LRRFIP2: variants seen among roughly 807,000 people sequenced by gnomAD.
The protein encoded by LRRFIP2 is LRR binding FLII interacting protein 2, also known as leucine-rich repeat flightless-interacting protein 2.
In LRRFIP2, 109 loss-of-function variants were observed where a neutral mutation model predicts 125.9. The ratio of observed to expected loss-of-function variants is 0.87; its 90% CI spans 0.74 to 1.01. LRRFIP2 has a LOEUF of 1.01. LRRFIP2 is among the 50% of genes least tolerant of loss of function. LRRFIP2 has a pLI of 0.00. For missense variants in LRRFIP2, 850 were observed against 862.3 expected (o/e 0.99, Z 0.18); for synonymous variants, 291 against 293.1 (o/e 0.99, Z 0.07).
At chr3:37,076,692 C>A (rs948193584) in intron 19 of LRRFIP2, among the ~76,000 whole-genome samples, 2 of 152,020 alleles carry the variant, frequency 1.3e-5, no homozygotes, top group African/African-American at 4.8e-5. Flanking sequence ...CATAGAGAAA[C>A]CCTGTCTCTA....
intron 19 of LRRFIP2, among the ~76,000 whole-genome samples, chr3:37,077,288 T>C (rs1344999384): frequency 1.3e-5 from 2 of 152,156 alleles, no homozygotes; most frequent in Non-Finnish European, 2.9e-5. Context: ...TGTCTATTAA[T>C]ATAGGGAACT....
rs148614990 is a variant in LRRFIP2 at position 37,126,513 on chromosome 3, A to C, written c.228+1117T>G. Among the ~76,000 whole-genome samples the C allele has an allele frequency of 5.5e-3, 840 of 152,146 alleles. 2 individuals carry two copies. The highest frequency in any genetic ancestry group is 0.017 in the Middle Eastern group (5 of 294). On this transcript the variant is annotated intron_variant, in intron 4 of 27. Coordinates refer to ENST00000336686, the MANE Select transcript of LRRFIP2 (RefSeq NM_006309.4). The stretch of plus-strand genomic sequence containing the variant: ...CCCAAAGGTCACCCCTTTCAATGAA[A>C]ATCTAGCGTACTCACTGCCTAAACT...
At chr3:37,135,164 TTA>T in intron 2 of LRRFIP2, 1 of 1,095,008 alleles carries the variant, frequency 9.1e-7, no homozygotes, top group Non-Finnish European at 1.3e-6. Flanking sequence ...AAATTACTGT[TTA>T]AAAAAAAAAA....
intron 19 of LRRFIP2, 72 bp from the exon 20 acceptor site, chr3:37,075,188 A>G: frequency 9.9e-7 from 1 of 1,007,730 alleles, no homozygotes; most frequent in South Asian, 1.4e-5. Context: ...ACAATACAAC[A>G]CAGAGGTTAA....
Position 37,087,738 on chromosome 3 carries a change from G to A in LRRFIP2, c.1107+3729C>T, listed in dbSNP as rs59734816. 8.2e-3 allele frequency among the ~76,000 whole-genome samples: 1,247 copies of A among 152,110 alleles called. 12 individuals carry two copies. The highest frequency in any genetic ancestry group is 0.027 in the African/African-American group (1,132 of 41,490). Reference sequence around the variant, plus strand: ...TGAGAAGTTGGGATTATAGGCTCCCGCCACCATGCCTGGCTAGTTTTTGTA... The same window carrying A: ...TGAGAAGTTGGGATTATAGGCTCCCACCACCATGCCTGGCTAGTTTTTGTA... On this transcript the variant is annotated intron_variant, in intron 18 of 27. Transcript: ENST00000336686.
At chr3:37,080,788 C>G (rs2092572284) in intron 19 of LRRFIP2, among the ~76,000 whole-genome samples, 1 of 152,000 alleles carries the variant, frequency 6.6e-6, no homozygotes, top group South Asian at 2.1e-4. Context: ...GAAAGAGGAC[C>G]TATACATGAA....
intron 21 of LRRFIP2, among the ~76,000 whole-genome samples, chr3:37,069,366 A>C (rs2090750451): frequency 6.6e-6 from 1 of 152,250 alleles, no homozygotes; most frequent in South Asian, 2.1e-4. Flanking sequence ...TGTGGTATAT[A>C]CATACAATGG....
chr3:37,131,191 G>A (rs1338197244), intron 2 of LRRFIP2, among the ~76,000 whole-genome samples: 6 of 152,104 alleles, frequency 3.9e-5, no homozygotes, highest in Admixed American at 6.5e-5. Context: ...CGTGTACTGG[G>A]TGCATCCCAT....
chr3:37,171,672 T>C (rs981431890), intron 1 of LRRFIP2, among the ~76,000 whole-genome samples: 2 of 152,210 alleles, frequency 1.3e-5, no homozygotes, highest in East Asian at 1.9e-4. Flanking sequence ...TCAAACTCCA[T>C]AGAGGTTTAT....
At chr3:37,103,768 T>C (rs1039880879) in intron 14 of LRRFIP2, among the ~76,000 whole-genome samples, 1 of 152,200 alleles carries the variant, frequency 6.6e-6, no homozygotes, top group South Asian at 2.1e-4. Flanking sequence ...TCACAGTCCC[T>C]GACATTTCTT....
intron 13 of LRRFIP2, among the ~76,000 whole-genome samples, chr3:37,106,903 A>G (rs1040173372): frequency 9.6e-6 from 1 of 104,288 alleles, no homozygotes; most frequent in African/African-American, 4.3e-5. Context: ...CAGGGAAATG[A>G]CTATTTTTTT....
intron 7 of LRRFIP2, among the ~76,000 whole-genome samples, chr3:37,113,580 G>A (rs1460399366): frequency 6.6e-6 from 1 of 152,118 alleles, no homozygotes; most frequent in Non-Finnish European, 1.5e-5. Context: ...GGGATTACAG[G>A]CATGAGACAC....
chr3:37,105,047 T>C (rs913693781), intron 14 of LRRFIP2, among the ~76,000 whole-genome samples: 1 of 152,182 alleles, frequency 6.6e-6, no homozygotes, highest in African/African-American at 2.4e-5. Context: ...TGGTTAAATC[T>C]AAATACAACA....
chr3:37,058,957 G>A (rs745996963), intron 24 of LRRFIP2, 47 bp from the exon 25 acceptor site: 2 of 1,609,270 alleles, frequency 1.2e-6, no homozygotes, highest in Admixed American at 3.3e-5. Flanking sequence ...TCTCTCAAAT[G>A]AAGCCGATGC....
At chr3:37,071,660 C>A (rs2148871303) in intron 21 of LRRFIP2, among the ~76,000 whole-genome samples, 1 of 152,296 alleles carries the variant, frequency 6.6e-6, no homozygotes, top group Admixed American at 6.5e-5. Context: ...ATATCCAGGC[C>A]TGTCTCTCAA....
rs529221734 is a variant in LRRFIP2 at position 37,133,619 on chromosome 3, T to C, written c.91-4470A>G. 1.2e-3 allele frequency among the ~76,000 whole-genome samples: 180 copies of C among 152,190 alleles called. 4 individuals carry two copies. The South Asian group carries it at 0.036, about 30-fold the overall frequency. On this transcript the variant is annotated intron_variant, in intron 2 of 27. Coordinates refer to ENST00000336686, the MANE Select transcript of LRRFIP2 (RefSeq NM_006309.4). ...AAATTCATACAGACAGAAAGCACAATAGTGGTTGCCAGGGACTGAGGGTAG... is the reference window on the plus strand; with the variant it reads ...AAATTCATACAGACAGAAAGCACAACAGTGGTTGCCAGGGACTGAGGGTAG...
chr3:37,088,926 G>A (rs1049427371), intron 18 of LRRFIP2, among the ~76,000 whole-genome samples: 1 of 151,932 alleles, frequency 6.6e-6, no homozygotes, highest in Non-Finnish European at 1.5e-5. Flanking sequence ...TTGACCACGC[G>A]CCCTCCAGAG....
chr3:37,144,234 A>G (rs969219060), intron 2 of LRRFIP2, among the ~76,000 whole-genome samples: 2 of 152,186 alleles, frequency 1.3e-5, no homozygotes, highest in South Asian at 2.1e-4. Flanking sequence ...ATTTTATCAC[A>G]CTGATTCCTT....
intron 2 of LRRFIP2, among the ~76,000 whole-genome samples, chr3:37,140,952 A>T (rs1459774913): frequency 1.3e-5 from 2 of 151,966 alleles, no homozygotes; most frequent in African/African-American, 4.8e-5. Flanking sequence ...GGTTCTCATC[A>T]TCTTTCACTA....
Sources: gnomAD v4.1 joint callset for allele counts (sites outside exome capture counted in the v4.1 genomes callset) on GRCh38, gnomAD v4.1.1 for gene constraint, MANE v1.5 for transcripts, NCBI Gene and HGNC (gene_info 2026-07-23, HGNC 2026-07-21) for gene names.